PCDHA5: variants seen among roughly 807,000 people sequenced by gnomAD.
PCDHA5 encodes the protein protocadherin alpha-5.
Under a neutral mutation model 61.6 loss-of-function variants are expected in PCDHA5, and 43 were observed. That is an observed-to-expected ratio of 0.70 (90% CI 0.55 to 0.90). The LOEUF is 0.90. Ranked by LOEUF, PCDHA5 falls within the 40% of genes least tolerant of loss-of-function variation. The pLI is 0.00. For missense variants in PCDHA5, 1,298 were observed against 1,222.7 expected, an observed-to-expected ratio of 1.06 and a Z score of -0.92; for synonymous variants, 627 against 543.9, an observed-to-expected ratio of 1.15 and a Z score of -2.13.
intron 1 of PCDHA5, chr5:140,829,266 A>T: frequency 6.2e-7 from 1 of 1,614,248 alleles, no homozygotes; most frequent in South Asian, 1.1e-5. Context: ...CTGACGCCTC[A>T]CGTCCCTTTC....
chr5:140,932,351 A>G (rs1401387848), intron 1 of PCDHA5, among the ~76,000 whole-genome samples: 1 of 151,920 alleles, frequency 6.6e-6, no homozygotes, highest in African/African-American at 2.4e-5. Context: ...TTACCATACA[A>G]CTGGCCTTAT....
At chr5:140,824,245 C>T in intron 1 of PCDHA5, 118 bp downstream of exon 1, 1 of 1,462,164 alleles carries the variant, frequency 6.8e-7, no homozygotes, top group Admixed American at 1.7e-5. Flanking sequence ...TATTGTGGTA[C>T]ACAATTATTG....
intron 3 of PCDHA5, among the ~76,000 whole-genome samples, chr5:140,984,776 G>C (rs1310495858): frequency 6.6e-6 from 1 of 152,062 alleles, no homozygotes; most frequent in Non-Finnish European, 1.5e-5. Context: ...AAGCTTACTT[G>C]CTGGGTGAGC....
chr5:140,857,558 T>A (rs782138602), intron 1 of PCDHA5: 1 of 1,596,966 alleles, frequency 6.3e-7, no homozygotes, highest in Non-Finnish European at 8.6e-7. Flanking sequence ...GCGCTCGCTG[T>A]CGAGCTACGT....
At position 140,823,139 on chromosome 5, in the gene PCDHA5, C is replaced by A. The variant is rs1317356250; in HGVS notation, c.1364C>A (p.Ala455Glu). The A allele has an allele frequency of 6.2e-7, 1 of 1,613,696 alleles. No individual in the cohort carries two copies. The highest frequency in any genetic ancestry group is 1.3e-5 in the African/African-American group (1 of 74,884). Residue 455 changes from alanine (A) to glutamate (E), a missense_variant, in exon 1 of 4, where the codon GCG (alanine) becomes GAG (glutamate). Ala to Glu is a moderately radical substitution (Grantham distance 107). Transcript: ENST00000529859. ...GTGAACGACAACGCTCCGGCGTTCG[C>A]GCAGCCCCAGTATACCGTGTTCGTG... Reference protein sequence around the residue: ...ADVNDNAPAFAQPQYTVFVKE... With the variant: ...ADVNDNAPAFEQPQYTVFVKE...
At chr5:140,870,441 C>T in intron 1 of PCDHA5, 2 of 1,614,224 alleles carry the variant, frequency 1.2e-6, no homozygotes, top group South Asian at 1.1e-5. Context: ...AGGTGGCCGA[C>T]GTGAACGACA....
chr5:140,827,868 ACT>A (rs1769434817), intron 1 of PCDHA5: 2 of 620,094 alleles, frequency 3.2e-6, no homozygotes, highest in Non-Finnish European at 2.8e-6. Context: ...ATGGTATAGC[ACT>A]GTTACGTGAA....
intron 1 of PCDHA5, among the ~76,000 whole-genome samples, chr5:140,913,986 G>A (rs1326699020): frequency 1.3e-5 from 2 of 152,048 alleles, no homozygotes; most frequent in African/African-American, 4.8e-5. Context: ...GACTTGTATT[G>A]TGACTAGCAT....
At chr5:140,957,473 GA>G (rs1446179332) in intron 1 of PCDHA5, among the ~76,000 whole-genome samples, 1 of 151,954 alleles carries the variant, frequency 6.6e-6, no homozygotes, top group Non-Finnish European at 1.5e-5. Context: ...GTATGTATAG[GA>G]AAAAACATAG....
intron 3 of PCDHA5, among the ~76,000 whole-genome samples, chr5:140,997,279 A>G (rs1386656925): frequency 6.6e-6 from 1 of 152,166 alleles, no homozygotes; most frequent in Non-Finnish European, 1.5e-5. Flanking sequence ...TTCTTGCATC[A>G]CTTAACAATG....
intron 1 of PCDHA5, among the ~76,000 whole-genome samples, chr5:140,894,946 A>G (rs1463727802): frequency 6.6e-6 from 1 of 152,206 alleles, no homozygotes; most frequent in African/African-American, 2.4e-5. Flanking sequence ...ATTGTCATGA[A>G]ATGATAAAAA....
intron 1 of PCDHA5, chr5:140,848,383 C>G (rs1781483118): frequency 8.4e-7 from 1 of 1,197,254 alleles, no homozygotes; most frequent in African/African-American, 1.5e-5. Flanking sequence ...TTCTTTTTCA[C>G]TCTCTCTGTG....
chr5:140,935,996 G>A (rs145363850), intron 1 of PCDHA5, among the ~76,000 whole-genome samples: 2 of 150,844 alleles, frequency 1.3e-5, no homozygotes, highest in African/African-American at 4.9e-5. Context: ...GGGTTCAAGC[G>A]ATTCTCCCAC....
chr5:140,831,211 A>G lies in PCDHA5; in HGVS notation c.2352+7084A>G, dbSNP rs2150192455. 5.9e-5 allele frequency: 9 copies of G among 152,346 alleles called. No individual in the cohort carries two copies. In the South Asian group the frequency reaches 1.9e-3, roughly 32 times the overall value. The allele number at this position is 152,346 out of a possible 1,614,324, so 9.4% of individuals were successfully genotyped here. ...TTAGACCTTGTGATCAAGTAAATTT[A>G]TATGAAAACTGCATTCCTCTGGCAT... On this transcript the variant is annotated intron_variant, in intron 1 of 3. Transcript: ENST00000529859.
rs1366864610 is a variant in PCDHA5 at position 141,006,125 on chromosome 5, G to A, written c.2501-3502G>A. ...AAGGAGTTTTTTTTTTTTTTCTCAA[G>A]GCAGTAGAAAGCTTAAGCAGAGGAG... On this transcript the variant is annotated intron_variant, in intron 3 of 3. Transcript: ENST00000529859. 4.7e-5 allele frequency among the ~76,000 whole-genome samples: 7 copies of A among 149,644 alleles called. No individual in the cohort carries two copies. The South Asian group carries it at 1.3e-3, about 27-fold the overall frequency.
At chr5:140,882,150 C>A in intron 1 of PCDHA5, 1 of 1,501,768 alleles carries the variant, frequency 6.7e-7, no homozygotes, top group Non-Finnish European at 8.9e-7. Context: ...TAGCAGAAAG[C>A]GGAATACCTC....
Position 140,822,834 on chromosome 5 carries a change from C to A in PCDHA5, c.1059C>A (p.Thr353=). Reference sequence around the variant, plus strand: ...ATACCCCAGAGATGGCCATAACCACCCTTTTCCTGCCTGTCAAAGAGGACG... The same window carrying A: ...ATACCCCAGAGATGGCCATAACCACACTTTTCCTGCCTGTCAAAGAGGACG... ...NDNTPEMAIT[T]LFLPVKEDAP... Residue 353 remains threonine, a synonymous_variant, in exon 1 of 4, where the codon ACC becomes ACA. Coordinates refer to ENST00000529859, the MANE Select transcript of PCDHA5 (RefSeq NM_018908.3). 1 of 1,614,218 alleles carries A rather than the reference C, an allele frequency of 6.2e-7. No individual in the cohort carries two copies. The highest frequency in any genetic ancestry group is 1.6e-4 in the Middle Eastern group (1 of 6,062).
intron 1 of PCDHA5, among the ~76,000 whole-genome samples, chr5:140,890,049 G>T (rs1488374417): frequency 1.3e-5 from 2 of 152,158 alleles, no homozygotes; most frequent in Non-Finnish European, 2.9e-5. Flanking sequence ...GTGTGTTGGA[G>T]CTGGCTCTTT....
At chr5:140,932,709 A>G (rs2088560759) in intron 1 of PCDHA5, among the ~76,000 whole-genome samples, 1 of 151,956 alleles carries the variant, frequency 6.6e-6, no homozygotes, top group African/African-American at 2.4e-5. Context: ...TATAGACAAC[A>G]CAATAATATT....
Sources: gnomAD v4.1 joint callset for allele counts (sites outside exome capture counted in the v4.1 genomes callset) on GRCh38, gnomAD v4.1.1 for gene constraint, MANE v1.5 for transcripts, NCBI Gene and HGNC (gene_info 2026-07-23, HGNC 2026-07-21) for gene names.